The following ZNF253 variants were observed in gnomAD, a reference collection of about 807,000 sequenced individuals.
ZNF253 encodes the protein zinc finger protein 253, also known as DNA-binding protein.
ZNF253 carries 8 observed loss-of-function variants against 11.9 expected under a neutral mutation model. The ratio of observed to expected loss-of-function variants is 0.67; its 90% CI spans 0.40 to 1.22. The LOEUF (loss-of-function observed/expected upper bound fraction) is 1.22, where lower values mean the gene tolerates loss of function less well. Among genes scored for constraint, ZNF253 ranks in the 50% most tolerant of loss-of-function variants. The probability of loss-of-function intolerance (pLI) is 0.01; values close to 1 mark genes in which losing one functional copy is unlikely to be tolerated. For missense variants in ZNF253, 485 were observed against 586.9 expected, an observed-to-expected ratio of 0.83 and a Z score of 1.79; for synonymous variants, 194 against 194.9, an observed-to-expected ratio of 1.00 and a Z score of 0.04.
At chr19:19,888,311 G>A (rs775219990) in intron 3 of ZNF253, among the ~76,000 whole-genome samples, 1 of 152,116 alleles carries the variant, frequency 6.6e-6, no homozygotes, top group Non-Finnish European at 1.5e-5. Context: ...TGATTCACCC[G>A]CCTTGGTCTC....
At chr19:19,880,641 G>A (rs1304449739) in intron 3 of ZNF253, among the ~76,000 whole-genome samples, 1 of 151,726 alleles carries the variant, frequency 6.6e-6, no homozygotes, top group Admixed American at 6.6e-5. Flanking sequence ...GGAGGTGGAG[G>A]TTGCAGTGAG....
chr19:19,876,310 A>C (rs1017808968), intron 1 of ZNF253, among the ~76,000 whole-genome samples: 1 of 152,164 alleles, frequency 6.6e-6, no homozygotes, highest in Non-Finnish European at 1.5e-5. Flanking sequence ...TTAAAACTTT[A>C]CAGGCAGTGC....
chr19:19,869,687 T>TA lies in ZNF253; in HGVS notation c.3+3694dup, dbSNP rs35061008. Among the ~76,000 whole-genome samples, 68 of 85,340 alleles carry TA rather than the reference T, an allele frequency of 8.0e-4. 2 individuals are homozygous for TA. The highest frequency in any genetic ancestry group is 2.0e-3 in the South Asian group (5 of 2,508). The allele number at this position is 85,340 out of a possible 152,430, so 56.0% of individuals were successfully genotyped here. A position where few individuals can be genotyped will look rare whatever the true frequency, so the allele number is the denominator to read the frequency against. On this transcript the variant is annotated intron_variant, in intron 1 of 3. Transcript: ENST00000589717. ...TTTTTTTTTTTTTTTTTTTTTTTTT[T>TA]AAAAAACAGTCTTACTCTGTTGCCC... is the stretch of plus-strand genomic sequence containing the variant.
At chr19:19,879,692 T>C (rs2063169407) in intron 2 of ZNF253, among the ~76,000 whole-genome samples, 1 of 152,166 alleles carries the variant, frequency 6.6e-6, no homozygotes, top group Non-Finnish European at 1.5e-5. Context: ...GCAGCAACAA[T>C]TGATCACATG....
At chr19:19,867,908 G>A (rs927103050) in intron 1 of ZNF253, among the ~76,000 whole-genome samples, 1 of 150,602 alleles carries the variant, frequency 6.6e-6, no homozygotes, top group Non-Finnish European at 1.5e-5. Context: ...GTGTGATGTG[G>A]TATCTCATTG....
At position 19,868,143 on chromosome 19, in the gene ZNF253, TG is replaced by T. The variant is rs1408154599; in HGVS notation, c.3+2145del. Reference sequence around the variant, plus strand: ...TGCAAATTTTTTTTATTCTGTAGGTTGTCTGTTTACTCTGTTAATAGTTTCC... The same window carrying T: ...TGCAAATTTTTTTTATTCTGTAGGTTTCTGTTTACTCTGTTAATAGTTTCC... On this transcript the variant is annotated intron_variant, in intron 1 of 3. Coordinates refer to ENST00000589717, the MANE Select transcript of ZNF253 (RefSeq NM_021047.3). Among the ~76,000 whole-genome samples, 3 of 152,070 alleles carry T rather than the reference TG, an allele frequency of 2.0e-5. No individual in the cohort carries two copies. In the East Asian group the frequency reaches 5.8e-4, roughly 29 times the overall value.
chr19:19,891,721 T>A lies in ZNF253; in HGVS notation c.474T>A (p.Asn158Lys), dbSNP rs760017725. Residue 158 changes from asparagine (N) to lysine (K), a missense_variant, in exon 4 of 4, where the codon AAT becomes AAA. By Grantham distance (94) the Asn-to-Lys change is moderately conservative. Transcript: ENST00000589717. ...GAAAAGTCTTTCATAAGTTTTCAAA[T>A]TCAAACACATATAAGACAAGACATA... is the stretch of plus-strand genomic sequence containing the variant. ...KYGKVFHKFS[N>K]SNTYKTRHTG... 1 of 1,614,112 alleles carries A rather than the reference T, an allele frequency of 6.2e-7. No homozygotes were observed. Among genetic ancestry groups the A allele is most frequent in the Non-Finnish European group, 8.5e-7 (1 of 1,179,992 alleles).
chr19:19,884,558 C>T (rs892833536), intron 3 of ZNF253, among the ~76,000 whole-genome samples: 2 of 151,860 alleles, frequency 1.3e-5, no homozygotes, highest in Non-Finnish European at 2.9e-5. Flanking sequence ...TTTTAGTAGA[C>T]ATGGTGTTTC....
chr19:19,891,007 A>ATTTTTTTT (rs1568501169), intron 3 of ZNF253, among the ~76,000 whole-genome samples: 4 of 149,816 alleles, frequency 2.7e-5, no homozygotes, highest in African/African-American at 1.0e-4. Flanking sequence ...TGTCTGGCTA[A>ATTTTTTTT]TTTTTTGTAT....
intron 3 of ZNF253, among the ~76,000 whole-genome samples, chr19:19,891,007 A>ATTTTTTTTTTTTTTTTTTTTTTTTT (rs1568501169): frequency 8.7e-5 from 13 of 149,788 alleles, no homozygotes; most frequent in African/African-American, 3.0e-4. Context: ...TGTCTGGCTA[A>ATTTTTTTTTTTTTTTTTTTTTTTTT]TTTTTTGTAT....
rs2063239937 is a variant in ZNF253 at position 19,892,929 on chromosome 19, C to T, written c.*182C>T. ...CACATAATTCATACCAAACAGAAGC[C>T]CTACAAGTGTGAAGAATGTGGCAAA... is the stretch of plus-strand genomic sequence containing the variant. On this transcript the variant is annotated 3_prime_UTR_variant, in exon 4 of 4. Coordinates refer to ENST00000589717, the MANE Select transcript of ZNF253 (RefSeq NM_021047.3). 1 of 615,342 alleles carries T rather than the reference C, an allele frequency of 1.6e-6. No homozygotes were observed. Among genetic ancestry groups the T allele is most frequent in the African/African-American group, 1.9e-5 (1 of 53,746 alleles). 38.1% of individuals were successfully genotyped at this position (615,342 alleles called of 1,614,324 possible).
At chr19:19,879,272 G>A (rs181243290) in intron 2 of ZNF253, among the ~76,000 whole-genome samples, 44 of 152,088 alleles carry the variant, frequency 2.9e-4, no homozygotes, top group Admixed American at 2.9e-3. Flanking sequence ...ATATTTAAAT[G>A]TACTGCATTT....
At chr19:19,883,723 A>G (rs191784788) in intron 3 of ZNF253, among the ~76,000 whole-genome samples, 1 of 152,240 alleles carries the variant, frequency 6.6e-6, no homozygotes, top group East Asian at 1.9e-4. Context: ...CTGACAGACA[A>G]ACCTTCAACT....
Position 19,892,406 on chromosome 19 carries a change from G to T in ZNF253, c.1159G>T (p.Glu387Ter). 1 of 1,610,226 alleles carries T rather than the reference G, an allele frequency of 6.2e-7. No individual in the cohort carries two copies. Among genetic ancestry groups the T allele is most frequent in the Non-Finnish European group, 8.5e-7 (1 of 1,178,906 alleles). ...CCATTCCACAACCCTTTTTTCACAT[G>T]AGAAAATTCATACTGGAGAGAAACC... The part of the protein sequence containing the change: ...FNHSTTLFSH[E>*]KIHTGEKPYK... The change falls in exon 4 of 4, where the codon GAG becomes TAG. Residue 387 changes from glutamate (E) to a stop codon, truncating the protein, a stop_gained. Coordinates refer to ENST00000589717, the MANE Select transcript of ZNF253 (RefSeq NM_021047.3). LOFTEE classifies it low-confidence loss of function (END_TRUNC).
At chr19:19,884,583 G>T (rs1011438992) in intron 3 of ZNF253, among the ~76,000 whole-genome samples, 21 of 152,090 alleles carry the variant, frequency 1.4e-4, no homozygotes, top group African/African-American at 5.1e-4. Flanking sequence ...TGGTGGCCAG[G>T]CTGGTTTTGA....
In ZNF253 at chr19:19,892,018, A is replaced by G; in HGVS notation, c.771A>G (p.Lys257=). Residue 257 remains lysine, a synonymous_variant, in exon 4 of 4, where the codon AAA becomes AAG. Coordinates refer to ENST00000589717, the MANE Select transcript of ZNF253 (RefSeq NM_021047.3). Reference sequence around the variant, plus strand: ...TTCATACTGGAGAGAAACCCTACAAATGTGAAGAATGTGGCAAAGCCTTCA... The same window carrying G: ...TTCATACTGGAGAGAAACCCTACAAGTGTGAAGAATGTGGCAAAGCCTTCA... ...KKIHTGEKPY[K]CEECGKAFNR... 1 of 1,613,768 alleles carries G rather than the reference A, an allele frequency of 6.2e-7. No individual in the cohort carries two copies. Among genetic ancestry groups the G allele is most frequent in the Non-Finnish European group, 8.5e-7 (1 of 1,179,978 alleles).
At chr19:19,869,660 CTTTTTTTTTTTTTT>C (rs35926309) in intron 1 of ZNF253, among the ~76,000 whole-genome samples, 3 of 103,308 alleles carry the variant, frequency 2.9e-5, no homozygotes, top group Non-Finnish European at 5.7e-5. Context: ...CATGCCTGGC[CTTTTTTTTTTTTTT>C]TTTTTTTTTT....
rs555253827 is a variant in ZNF253, at chr19:19,880,781, T to G, written c.226+635T>G. 3.9e-5 allele frequency among the ~76,000 whole-genome samples: 6 copies of G among 152,148 alleles called. No individual in the cohort carries two copies. The South Asian group carries it at 1.0e-3, about 26-fold the overall frequency. ...CCATTGTTTTGGGGACACACAAATA[T>G]CTGCATAATTTTGAGAAACTAAAAC... On this transcript the variant is annotated intron_variant, in intron 3 of 3. Transcript: ENST00000589717.
intron 1 of ZNF253, among the ~76,000 whole-genome samples, chr19:19,866,613 C>T (rs1347032084): frequency 6.6e-6 from 1 of 151,862 alleles, no homozygotes; most frequent in Non-Finnish European, 1.5e-5. Context: ...ATTCTCCTGC[C>T]TCAGCCTCCC....
Sources: gnomAD v4.1 joint callset for allele counts (sites outside exome capture counted in the v4.1 genomes callset) on GRCh38, gnomAD v4.1.1 for gene constraint, MANE v1.5 for transcripts, NCBI Gene and HGNC (gene_info 2026-07-23, HGNC 2026-07-21) for gene names.